The following FILIP1L variants were observed in gnomAD, a reference collection of about 807,000 sequenced individuals.
FILIP1L encodes filamin A interacting protein 1 like.
Under a neutral mutation model 96.6 loss-of-function variants are expected in FILIP1L, and 55 were observed. The observed-to-expected ratio is 0.57, with a 90% CI of 0.46 to 0.71. FILIP1L has a LOEUF of 0.71. Among genes scored for constraint, FILIP1L ranks in the 30% least tolerant of loss-of-function variants. The pLI is 0.00. For missense variants in FILIP1L, 1,304 were observed against 1,321.2 expected (o/e 0.99, Z 0.20); for synonymous variants, 467 against 473.9 (o/e 0.99, Z 0.19).
intron 3 of FILIP1L, among the ~76,000 whole-genome samples, chr3:99,927,495 A>G (rs1707332126): frequency 6.6e-6 from 1 of 151,252 alleles, no homozygotes; most frequent in Non-Finnish European, 1.5e-5. Flanking sequence ...TCAGCCTCCC[A>G]AGTAGCTGGG....
At chr3:100,026,497 GTTGACCAGATCTTCCAGTAT>G (rs1391246868) in intron 1 of FILIP1L, among the ~76,000 whole-genome samples, 5 of 152,124 alleles carry the variant, frequency 3.3e-5, no homozygotes, top group Non-Finnish European at 7.4e-5. Context: ...CAGTTATGTA[GTTGACCAGATCTTCCAGTAT>G]TTTGAGAGGA....
chr3:100,083,492 C>T (rs150645813), intron 1 of FILIP1L, among the ~76,000 whole-genome samples: 161 of 152,280 alleles, frequency 1.1e-3, no homozygotes, highest in South Asian at 7.5e-3. Context: ...TAATGCACAG[C>T]GAGATTTCAG....
intron 4 of FILIP1L, among the ~76,000 whole-genome samples, chr3:99,904,928 T>C (rs1209358818): frequency 1.3e-5 from 2 of 152,188 alleles, no homozygotes; most frequent in Admixed American, 1.3e-4. Context: ...CTTCTTTGGG[T>C]CCTTGAAGTC....
intron 1 of FILIP1L, among the ~76,000 whole-genome samples, chr3:99,957,540 G>A (rs4356849): frequency 1 from 151,704 of 152,118 alleles, 75,647 homozygotes; most frequent in Middle Eastern, 1. Context: ...GAACAAAACA[G>A]TGCTCTTAAT....
At chr3:99,954,614 T>C (rs1708266916) in intron 1 of FILIP1L, among the ~76,000 whole-genome samples, 1 of 151,996 alleles carries the variant, frequency 6.6e-6, no homozygotes, top group African/African-American at 2.4e-5. Context: ...TTACTTAAGG[T>C]CAGGAGTTCG....
chr3:100,054,085 G>T (rs1224811572), intron 1 of FILIP1L, among the ~76,000 whole-genome samples: 1 of 152,152 alleles, frequency 6.6e-6, no homozygotes, highest in African/African-American at 2.4e-5. Flanking sequence ...AGCTTCCCTA[G>T]TATTGTAAAA....
chr3:99,995,343 T>C (rs933027631), intron 1 of FILIP1L, among the ~76,000 whole-genome samples: 3 of 152,186 alleles, frequency 2.0e-5, no homozygotes, highest in South Asian at 2.1e-4. Flanking sequence ...GTCACACTGA[T>C]GTAAGAGGTG....
chr3:99,987,935 G>A (rs1349495595), intron 1 of FILIP1L, among the ~76,000 whole-genome samples: 2 of 152,198 alleles, frequency 1.3e-5, no homozygotes, highest in African/African-American at 4.8e-5. Context: ...ATTCTTGAAA[G>A]ATGTTGAGGA....
At chr3:99,976,919 C>T (rs1559710956) in intron 1 of FILIP1L, among the ~76,000 whole-genome samples, 1 of 152,120 alleles carries the variant, frequency 6.6e-6, no homozygotes, top group Non-Finnish European at 1.5e-5. Context: ...TGATGTAGGT[C>T]CAAGGAGAAG....
At chr3:100,026,747 A>C (rs1380507366) in intron 1 of FILIP1L, among the ~76,000 whole-genome samples, 1 of 152,078 alleles carries the variant, frequency 6.6e-6, no homozygotes, top group Non-Finnish European at 1.5e-5. Context: ...CTGTGGTCCA[A>C]ACCACCACCG....
chr3:100,049,247 CTT>C (rs894256400), intron 1 of FILIP1L, among the ~76,000 whole-genome samples: 1 of 152,132 alleles, frequency 6.6e-6, no homozygotes, highest in African/African-American at 2.4e-5. Context: ...AAACTGTTCT[CTT>C]GTTTCATTTA....
intron 1 of FILIP1L, among the ~76,000 whole-genome samples, chr3:100,095,326 C>T (rs910242073): frequency 4.6e-5 from 7 of 152,014 alleles, no homozygotes; most frequent in Non-Finnish European, 8.8e-5. Context: ...AGGGATAAAT[C>T]GACGTGTTTG....
At chr3:99,936,359 A>T (rs1707667315) in intron 1 of FILIP1L, among the ~76,000 whole-genome samples, 1 of 142,986 alleles carries the variant, frequency 7.0e-6, no homozygotes, top group South Asian at 2.2e-4. Context: ...AAGGAACTGA[A>T]GCTTGAAGCC....
At chr3:99,927,233 T>C (rs1300202046) in intron 3 of FILIP1L, among the ~76,000 whole-genome samples, 3 of 152,234 alleles carry the variant, frequency 2.0e-5, no homozygotes, top group Non-Finnish European at 4.4e-5. Context: ...ACTAAATGAA[T>C]AAAATTAAAT....
intron 1 of FILIP1L, among the ~76,000 whole-genome samples, chr3:100,105,555 G>A (rs1450144260): frequency 2.0e-5 from 3 of 152,164 alleles, no homozygotes; most frequent in East Asian, 1.9e-4. Context: ...AAGATTAACC[G>A]AAAACATAGC....
intron 1 of FILIP1L, among the ~76,000 whole-genome samples, chr3:100,008,106 C>A (rs1468300303): frequency 6.6e-6 from 1 of 152,106 alleles, no homozygotes; most frequent in Admixed American, 6.5e-5. Flanking sequence ...AACATAATTA[C>A]AATAAATTGC....
chr3:100,051,781 G>A (rs2065377905), intron 1 of FILIP1L, among the ~76,000 whole-genome samples: 1 of 151,064 alleles, frequency 6.6e-6, no homozygotes, highest in Non-Finnish European at 1.5e-5. Context: ...TTGGTTCCAA[G>A]TCTTTGCTAT....
At chr3:99,857,377 T>G (rs1308521861) in intron 4 of FILIP1L, among the ~76,000 whole-genome samples, 2 of 152,224 alleles carry the variant, frequency 1.3e-5, no homozygotes, top group Non-Finnish European at 2.9e-5. Flanking sequence ...GAACTGTATG[T>G]GCTTGCTTGT....
intron 1 of FILIP1L, among the ~76,000 whole-genome samples, chr3:100,000,416 G>A (rs1709808755): frequency 6.6e-6 from 1 of 152,190 alleles, no homozygotes; most frequent in Non-Finnish European, 1.5e-5. Context: ...CTGCTGTTGT[G>A]TGAATGTCGT....
Sources: allele counts gnomAD v4.1 joint callset (sites outside exome capture counted in the v4.1 genomes callset), GRCh38; gene constraint gnomAD v4.1.1; transcripts MANE v1.5; gene names NCBI Gene and HGNC (gene_info 2026-07-23, HGNC 2026-07-21).